RNF2: variants seen among roughly 807,000 people sequenced by gnomAD.
The protein encoded by RNF2 is E3 ubiquitin-protein ligase RING2.
A neutral mutation model predicts 37.2 loss-of-function variants in RNF2; 6 were observed. The observed-to-expected ratio is 0.16, with a 90% CI of 0.09 to 0.32. The LOEUF (loss-of-function observed/expected upper bound fraction) is 0.32. RNF2 is among the 10% of genes least tolerant of loss of function. The pLI is 1.00. For synonymous variants in RNF2, 133 were observed against 132.7 expected (o/e 1.00, Z -0.02); for missense variants, 251 against 404.0 (o/e 0.62, Z 3.25).
rs753977672 is a variant in RNF2, at chr1:185,100,244, C to T, written c.954C>T (p.Tyr318=). 6.2e-7 allele frequency: 1 copy of T among 1,611,812 alleles called. No individual in the cohort carries two copies. The highest frequency in any genetic ancestry group is 1.1e-5 in the South Asian group (1 of 90,406). The stretch of plus-strand genomic sequence containing the variant: ...CTTTGGAATTGGTCAGTGAGAAATA[C>T]TGGAAAGTGAACAAACCCATGGAAC... The part of the protein sequence containing the change: ...SFSLELVSEK[Y]WKVNKPMELY... Residue 318 remains tyrosine, a synonymous_variant, in exon 7 of 7, where the codon TAC becomes TAT. Coordinates refer to ENST00000367510, the MANE Select transcript of RNF2 (RefSeq NM_007212.4).
At chr1:185,055,119 G>A (rs1442488196) in intron 1 of RNF2, among the ~76,000 whole-genome samples, 1 of 152,218 alleles carries the variant, frequency 6.6e-6, no homozygotes, top group Non-Finnish European at 1.5e-5. Flanking sequence ...TAGGGCTTTA[G>A]GGAATAGGGA....
chr1:185,069,773 C>G (rs1468050857), intron 1 of RNF2, among the ~76,000 whole-genome samples: 1 of 152,166 alleles, frequency 6.6e-6, no homozygotes, highest in Non-Finnish European at 1.5e-5. Flanking sequence ...GAAATTTAAG[C>G]CCGAAATATC....
At position 185,077,625 on chromosome 1, in the gene RNF2, G is replaced by GTT. The variant is rs528747420; in HGVS notation, c.-2-9915_-2-9914dup. On this transcript the variant is annotated intron_variant, in intron 1 of 6. Coordinates refer to ENST00000367510, the MANE Select transcript of RNF2 (RefSeq NM_007212.4). ...TTTTTAATTGTTAGGAATTAACTTT[G>GTT]TTTTTTTTTTTTTGGCTAGAAATTT... Among the ~76,000 whole-genome samples the GTT allele has an allele frequency of 2.1e-3, 241 of 115,650 alleles. 6 individuals are homozygous for GTT. The highest frequency in any genetic ancestry group is 7.5e-3 in the African/African-American group (228 of 30,484). 75.9% of individuals were successfully genotyped at this position (115,650 alleles called of 152,430 possible).
chr1:185,088,843 G>A (rs947901076), intron 2 of RNF2, among the ~76,000 whole-genome samples: 3 of 152,170 alleles, frequency 2.0e-5, no homozygotes, highest in African/African-American at 7.2e-5. Context: ...TATGGGCATT[G>A]TATTAAGTGT....
chr1:185,082,357 T>C (rs1373506908), intron 1 of RNF2, among the ~76,000 whole-genome samples: 1 of 134,906 alleles, frequency 7.4e-6, no homozygotes, highest in Non-Finnish European at 1.6e-5. Context: ...TTTTTTTTTT[T>C]TTTTTTTTTT....
At chr1:185,072,754 C>T (rs1465750410) in intron 1 of RNF2, among the ~76,000 whole-genome samples, 1 of 152,122 alleles carries the variant, frequency 6.6e-6, no homozygotes, top group Non-Finnish European at 1.5e-5. Context: ...TCCTGGCTAA[C>T]ACAGTGAAAC....
At chr1:185,075,080 C>A (rs1297108218) in intron 1 of RNF2, among the ~76,000 whole-genome samples, 1 of 152,116 alleles carries the variant, frequency 6.6e-6, no homozygotes, top group African/African-American at 2.4e-5. Flanking sequence ...CTGCAACCTA[C>A]ACCTTCCGGG....
chr1:185,089,235 A>G (rs1446137489), intron 2 of RNF2, among the ~76,000 whole-genome samples: 1 of 152,196 alleles, frequency 6.6e-6, no homozygotes, highest in East Asian at 1.9e-4. Flanking sequence ...TTAGGCAGTA[A>G]TGCTTACTTG....
intron 2 of RNF2, 57 bp downstream of exon 2, chr1:185,087,697 T>C: frequency 7.8e-7 from 1 of 1,278,802 alleles, no homozygotes. Context: ...GGGATACATT[T>C]TTAGAACATG....
intron 1 of RNF2, among the ~76,000 whole-genome samples, chr1:185,080,795 T>C (rs994298656): frequency 2.2e-4 from 33 of 152,222 alleles, no homozygotes; most frequent in Admixed American, 3.9e-4. Flanking sequence ...TATAATTTGG[T>C]TATGTGCAAG....
intron 1 of RNF2, among the ~76,000 whole-genome samples, chr1:185,079,853 C>T (rs918141045): frequency 3.3e-5 from 5 of 152,090 alleles, no homozygotes; most frequent in Non-Finnish European, 7.4e-5. Context: ...TTGCTTGAAC[C>T]CGGGAGGTGG....
intron 1 of RNF2, among the ~76,000 whole-genome samples, chr1:185,076,290 T>TTTTTG (rs1651158317): frequency 1.4e-5 from 1 of 73,516 alleles, no homozygotes; most frequent in African/African-American, 5.1e-5. Flanking sequence ...TTTTTTTTTT[T>TTTTTG]TTTTTTTTTT....
At chr1:185,047,298 C>G (rs936349756) in intron 1 of RNF2, among the ~76,000 whole-genome samples, 1 of 152,300 alleles carries the variant, frequency 6.6e-6, no homozygotes, top group East Asian at 1.9e-4. Flanking sequence ...AAGTGTGTTG[C>G]ATAGAAAAAT....
chr1:185,051,235 G>A (rs532375125), intron 1 of RNF2, among the ~76,000 whole-genome samples: 1 of 152,276 alleles, frequency 6.6e-6, no homozygotes, highest in East Asian at 1.9e-4. Flanking sequence ...TTCAGTCTGG[G>A]ACGGCTGTCT....
At chr1:185,047,024 A>G (rs1053555171) in intron 1 of RNF2, among the ~76,000 whole-genome samples, 2 of 152,216 alleles carry the variant, frequency 1.3e-5, no homozygotes, top group African/African-American at 4.8e-5. Context: ...ACTTTTCACA[A>G]TCAACAAGTA....
At chr1:185,086,261 A>T (rs954602695) in intron 1 of RNF2, among the ~76,000 whole-genome samples, 1 of 152,022 alleles carries the variant, frequency 6.6e-6, no homozygotes, top group African/African-American at 2.4e-5. Context: ...TTCCTTCTAG[A>T]CAAGGACCCT....
chr1:185,078,847 C>T (rs1040919310), intron 1 of RNF2, among the ~76,000 whole-genome samples: 9 of 152,164 alleles, frequency 5.9e-5, no homozygotes, highest in African/African-American at 2.2e-4. Flanking sequence ...GAGTTCGAGA[C>T]CAGCCTAGCC....
At chr1:185,074,767 T>C (rs1174498534) in intron 1 of RNF2, among the ~76,000 whole-genome samples, 1 of 152,222 alleles carries the variant, frequency 6.6e-6, no homozygotes, top group East Asian at 1.9e-4. Context: ...ATAACAATTA[T>C]TTACATAGCG....
At chr1:185,064,206 T>C (rs537627616) in intron 1 of RNF2, among the ~76,000 whole-genome samples, 38 of 152,362 alleles carry the variant, frequency 2.5e-4, no homozygotes, top group African/African-American at 8.2e-4. Context: ...TATAGTAAGT[T>C]ATGATTAATG....
Sources: gnomAD v4.1 joint callset for allele counts (sites outside exome capture counted in the v4.1 genomes callset) on GRCh38, gnomAD v4.1.1 for gene constraint, MANE v1.5 for transcripts, NCBI Gene and HGNC (gene_info 2026-07-23, HGNC 2026-07-21) for gene names.